The following C12orf42 variants were observed in gnomAD, a reference collection of about 807,000 sequenced individuals.
C12orf42 encodes the protein chromosome 12 open reading frame 42.
C12orf42 carries 25 observed loss-of-function variants against 21.6 expected under a neutral mutation model. The observed-to-expected ratio is 1.16, with a 90% CI of 0.84 to 1.62. The LOEUF is 1.62. Among genes scored for constraint, C12orf42 ranks in the 40% most tolerant of loss-of-function variants. The probability of loss-of-function intolerance (pLI) is 0.00; values close to 1 mark genes in which losing one functional copy is unlikely to be tolerated. For missense variants in C12orf42, 483 were observed against 459.3 expected (o/e 1.05, Z -0.47); for synonymous variants, 174 against 175.0 (o/e 0.99, Z 0.05).
chr12:103,274,300 G>T (rs2035636511), intron 5 of C12orf42, among the ~76,000 whole-genome samples: 5 of 152,144 alleles, frequency 3.3e-5, no homozygotes, highest in Admixed American at 3.3e-4. Flanking sequence ...TGGAACTCTG[G>T]AATCAGATGC....
intron 2 of C12orf42, among the ~76,000 whole-genome samples, chr12:103,467,366 C>A (rs1953225731): frequency 2.0e-5 from 3 of 152,080 alleles, no homozygotes; most frequent in South Asian, 4.2e-4. Context: ...GCTCCAGAGA[C>A]CCCTGTTGAA....
chr12:103,453,845 C>T (rs2137535630), intron 2 of C12orf42, among the ~76,000 whole-genome samples: 1 of 152,196 alleles, frequency 6.6e-6, no homozygotes, highest in Non-Finnish European at 1.5e-5. Flanking sequence ...ATCTCTTAAA[C>T]ATATAGCTTC....
chr12:103,212,813 C>T, the C12orf42 span, among the ~76,000 whole-genome samples: 1 of 151,994 alleles, frequency 6.6e-6, no homozygotes. Flanking sequence ...ATTTGGCTAT[C>T]CTGAAACATA....
At chr12:103,475,938 C>A (rs200386940) in intron 2 of C12orf42, among the ~76,000 whole-genome samples, 1 of 152,184 alleles carries the variant, frequency 6.6e-6, no homozygotes, top group South Asian at 2.1e-4. Flanking sequence ...CTGGGATTAA[C>A]ATGAAAGATG....
the C12orf42 span, among the ~76,000 whole-genome samples, chr12:103,115,764 C>G: frequency 1.3e-5 from 2 of 152,182 alleles, no homozygotes; most frequent in Non-Finnish European, 2.9e-5. Context: ...TCTCCCAGTT[C>G]TACCCATAGC....
rs138761849 is a variant in C12orf42 at position 103,470,032 on chromosome 12, G to A, written c.78+8317C>T. Among the ~76,000 whole-genome samples, 257 of 152,296 alleles carry A rather than the reference G, an allele frequency of 1.7e-3. 1 individual carries two copies. Among genetic ancestry groups the A allele is most frequent in the African/African-American group, 5.7e-3 (237 of 41,560 alleles). On this transcript the variant is annotated intron_variant, in intron 2 of 5. Transcript: ENST00000548883. ...AAAGAGCATGGAATATACTGAAGGCGAAATTGTTTGCCCAGGCCACTCTGT... is the reference window on the plus strand; with the variant it reads ...AAAGAGCATGGAATATACTGAAGGCAAAATTGTTTGCCCAGGCCACTCTGT...
At chr12:103,288,691 G>C (rs1467547583) in intron 4 of C12orf42, among the ~76,000 whole-genome samples, 3 of 152,008 alleles carry the variant, frequency 2.0e-5, no homozygotes, top group Non-Finnish European at 4.4e-5. Flanking sequence ...CTTCATTCAT[G>C]TCCCCCTGAT....
At chr12:103,215,448 C>G in the C12orf42 span, among the ~76,000 whole-genome samples, 2 of 152,006 alleles carry the variant, frequency 1.3e-5, no homozygotes, top group Non-Finnish European at 2.9e-5. Context: ...GGCCTCTTAC[C>G]CCATCACTTC....
At chr12:103,446,197 G>A (rs1221439137) in intron 2 of C12orf42, among the ~76,000 whole-genome samples, 1 of 151,950 alleles carries the variant, frequency 6.6e-6, no homozygotes. Flanking sequence ...AGAAGGGATT[G>A]GGGTCCTATT....
At chr12:103,139,681 G>T in the C12orf42 span, among the ~76,000 whole-genome samples, 1 of 152,210 alleles carries the variant, frequency 6.6e-6, no homozygotes, top group Non-Finnish European at 1.5e-5. Context: ...GAGGTCCAGA[G>T]AACGCTGGAG....
chr12:103,356,903 T>A (rs1433563944), intron 4 of C12orf42, among the ~76,000 whole-genome samples: 2 of 151,996 alleles, frequency 1.3e-5, no homozygotes, highest in African/African-American at 4.8e-5. Context: ...TTGTTTGAGT[T>A]CATTGTAGAG....
chr12:103,234,848 G>T (rs1197229143), downstream of C12orf42, among the ~76,000 whole-genome samples: 2 of 151,988 alleles, frequency 1.3e-5, no homozygotes, highest in East Asian at 3.9e-4. Flanking sequence ...ATTTTACACT[G>T]CATGATAATC....
chr12:103,162,566 TA>T, the C12orf42 span: 1 of 152,048 alleles, frequency 6.6e-6, no homozygotes, highest in African/African-American at 2.4e-5. Flanking sequence ...CACACATCTG[TA>T]CACCTAAGAA....
chr12:103,533,015 C>T, the C12orf42 span, among the ~76,000 whole-genome samples: 1 of 152,214 alleles, frequency 6.6e-6, no homozygotes, highest in South Asian at 2.1e-4. Context: ...CCCTACGGTT[C>T]AGTCCTTGAC....
At chr12:103,346,423 G>A (rs1230441066) in intron 4 of C12orf42, among the ~76,000 whole-genome samples, 1 of 151,682 alleles carries the variant, frequency 6.6e-6, no homozygotes, top group Non-Finnish European at 1.5e-5. Flanking sequence ...TTAAGCTATG[G>A]GTAAAAAATG....
chr12:103,535,723 G>A, the C12orf42 span, among the ~76,000 whole-genome samples: 3 of 152,172 alleles, frequency 2.0e-5, no homozygotes, highest in African/African-American at 7.2e-5. Flanking sequence ...ACATGTTGAG[G>A]ACATGAACTC....
At chr12:103,193,391 T>C in the C12orf42 span, among the ~76,000 whole-genome samples, 1 of 149,926 alleles carries the variant, frequency 6.7e-6, no homozygotes, top group African/African-American at 2.4e-5. Context: ...ATAATAAATG[T>C]CAAGGCAGAA....
At chr12:103,140,273 T>A in the C12orf42 span, among the ~76,000 whole-genome samples, 3 of 152,324 alleles carry the variant, frequency 2.0e-5, no homozygotes, top group South Asian at 6.2e-4. Flanking sequence ...ATTGTTTTGA[T>A]ACCTTGTGGC....
At chr12:103,546,764 A>C in the C12orf42 span, among the ~76,000 whole-genome samples, 1 of 152,200 alleles carries the variant, frequency 6.6e-6, no homozygotes, top group Non-Finnish European at 1.5e-5. Flanking sequence ...AGCTGAAGGA[A>C]TTTGAGAAAC....
Sources: allele counts gnomAD v4.1 joint callset (sites outside exome capture counted in the v4.1 genomes callset), GRCh38; gene constraint gnomAD v4.1.1; transcripts MANE v1.5; gene names NCBI Gene and HGNC (gene_info 2026-07-23, HGNC 2026-07-21).